The following SLC33A1 variants were observed in gnomAD, a reference collection of about 807,000 sequenced individuals.
SLC33A1 encodes acetyl-coenzyme A transporter 1.
Under a neutral mutation model 50.0 loss-of-function variants are expected in SLC33A1, and 20 were observed. That is an observed-to-expected ratio of 0.40 (90% confidence interval 0.28 to 0.58). The LOEUF is 0.58. Ranked by LOEUF, SLC33A1 falls within the 20% of genes least tolerant of loss-of-function variation. The pLI is 0.44. For synonymous variants in SLC33A1, 265 were observed against 251.8 expected (o/e 1.05, Z -0.50); for missense variants, 476 against 657.0 (o/e 0.72, Z 3.01).
chr3:155,843,094 T>C (rs2107982958), intron 1 of SLC33A1: 1 of 152,040 alleles, frequency 6.6e-6, no homozygotes, highest in Admixed American at 6.6e-5. Context: ...AAAACAGTCC[T>C]GACTCTTAAA....
chr3:155,854,218 C>A lies in SLC33A1; in HGVS notation c.-221G>T. 2.4e-6 allele frequency: 1 copy of A among 410,808 alleles called. No individual in the cohort carries two copies. The highest frequency in any genetic ancestry group is 3.5e-5 in the East Asian group (1 of 28,568). 25.4% of individuals were successfully genotyped at this position (410,808 alleles called of 1,614,324 possible). The stretch of plus-strand genomic sequence containing the variant: ...GGCCCAGAGGATGCCTGGATAGGTG[C>A]CCCCTGGAACGGCGTCAAAGAGCCT... On this transcript the variant is annotated 5_prime_UTR_variant, in exon 1 of 6. Transcript: ENST00000643144.
chr3:155,827,516 A>T lies in SLC33A1; in HGVS notation c.*694T>A, dbSNP rs1752237402. The stretch of plus-strand genomic sequence containing the variant: ...TCCAAAAAGAGGGGGTAGGGGCAAG[A>T]GGAATCAATAAGTTTAAAAATCATA... On this transcript the variant is annotated 3_prime_UTR_variant, in exon 6 of 6. Coordinates refer to ENST00000643144, the MANE Select transcript of SLC33A1 (RefSeq NM_004733.4). 6.6e-6 allele frequency: 1 copy of T among 152,192 alleles called. No individual in the cohort carries two copies. Among genetic ancestry groups the T allele is most frequent in the Non-Finnish European group, 1.5e-5 (1 of 68,016 alleles). 9.4% of individuals were successfully genotyped at this position (152,192 alleles called of 1,614,324 possible). A position where few individuals can be genotyped will look rare whatever the true frequency, so the allele number is the denominator to read the frequency against.
chr3:155,829,203 G>A lies in SLC33A1; in HGVS notation c.1482+485C>T, dbSNP rs535803067. Among the ~76,000 whole-genome samples the A allele has an allele frequency of 9.2e-5, 14 of 152,208 alleles. No individual in the cohort carries two copies. In the East Asian group the frequency reaches 1.4e-3, roughly 15 times the overall value. On this transcript the variant is annotated intron_variant, in intron 5 of 5. Coordinates refer to ENST00000643144, the MANE Select transcript of SLC33A1 (RefSeq NM_004733.4). Reference sequence around the variant, plus strand: ...AGGCGTGAGCCACTGCACCTGGCCCGATTATCTATTTTCACGATGCAGCTT... The same window carrying A: ...AGGCGTGAGCCACTGCACCTGGCCCAATTATCTATTTTCACGATGCAGCTT...
At chr3:155,840,254 AT>A (rs1560017730) in intron 2 of SLC33A1, among the ~76,000 whole-genome samples, 1 of 151,132 alleles carries the variant, frequency 6.6e-6, no homozygotes, top group African/African-American at 2.4e-5. Context: ...CACCCAGCTA[AT>A]TTTTGTATTT....
intron 4 of SLC33A1, among the ~76,000 whole-genome samples, chr3:155,832,232 A>G (rs1752467670): frequency 6.6e-6 from 1 of 152,040 alleles, no homozygotes; most frequent in Non-Finnish European, 1.5e-5. Context: ...ATACAAAATG[A>G]GCCGGGCATG....
intron 2 of SLC33A1, among the ~76,000 whole-genome samples, chr3:155,838,585 G>T (rs2107967411): frequency 6.6e-6 from 1 of 151,616 alleles, no homozygotes; most frequent in Admixed American, 6.6e-5. Flanking sequence ...GGAGGCTGAG[G>T]CAGGAGAATT....
intron 4 of SLC33A1, among the ~76,000 whole-genome samples, chr3:155,830,508 G>A (rs1053400815): frequency 2.0e-5 from 3 of 152,000 alleles, no homozygotes; most frequent in African/African-American, 7.2e-5. Flanking sequence ...TATAAATACA[G>A]GAAGTACTGT....
intron 1 of SLC33A1, 79 bp from the exon 2 acceptor site, chr3:155,842,698 C>A: frequency 2.5e-6 from 2 of 809,682 alleles, no homozygotes; most frequent in South Asian, 3.8e-5. Context: ...TATACAATAA[C>A]TTTCAATTAA....
chr3:155,841,606 G>A (rs1752939628), intron 2 of SLC33A1, among the ~76,000 whole-genome samples: 1 of 152,004 alleles, frequency 6.6e-6, no homozygotes, highest in South Asian at 2.1e-4. Flanking sequence ...CTATAAAATT[G>A]AGACACCTTA....
intron 4 of SLC33A1, 49 bp downstream of exon 4, chr3:155,833,419 T>C (rs1233701131): frequency 1.1e-6 from 1 of 910,134 alleles, no homozygotes; most frequent in Non-Finnish European, 1.9e-6. Flanking sequence ...CTGTCTTCCT[T>C]ATTTTACACA....
chr3:155,854,251 A>C lies in SLC33A1; in HGVS notation c.-254T>G. The C allele has an allele frequency of 2.8e-6, 1 of 355,606 alleles. No individual in the cohort carries two copies. The highest frequency in any genetic ancestry group is 1.1e-4 in the South Asian group (1 of 9,276). The allele number at this position is 355,606 out of a possible 1,614,324, so 22.0% of individuals were successfully genotyped here. A position where few individuals can be genotyped will look rare whatever the true frequency, so the allele number is the denominator to read the frequency against. ...AACGGCGTCAAAGAGCCTGAAGGAG[A>C]CCCCCGGGCAGCAGCGCCGGGCTCG... is the stretch of plus-strand genomic sequence containing the variant. On this transcript the variant is annotated 5_prime_UTR_variant, in exon 1 of 6. Coordinates refer to ENST00000643144, the MANE Select transcript of SLC33A1 (RefSeq NM_004733.4).
intron 4 of SLC33A1, among the ~76,000 whole-genome samples, chr3:155,830,558 T>C (rs1252894872): frequency 6.6e-6 from 1 of 152,040 alleles, no homozygotes; most frequent in Admixed American, 6.6e-5. Context: ...GGCATAAAGA[T>C]AAATGAGAGA....
chr3:155,853,094 A>T, intron 1 of SLC33A1, 129 bp downstream of exon 1: 1 of 818,084 alleles, frequency 1.2e-6, no homozygotes, highest in Non-Finnish European at 2.0e-6. Context: ...ATTTGGACGA[A>T]ACAGAAAACT....
rs151199901 is a variant in SLC33A1, at chr3:155,847,157, G to A, written c.776-4538C>T. Among the ~76,000 whole-genome samples, 1,394 of 152,202 alleles carry A rather than the reference G, an allele frequency of 9.2e-3. 15 individuals are homozygous for A. Among genetic ancestry groups the A allele is most frequent in the African/African-American group, 0.032 (1,332 of 41,528 alleles). ...CAGGAGGCAGAGGTTGCAGCGAGCC[G>A]AGATTGTGCCACTACACTCCAGCCT... On this transcript the variant is annotated intron_variant, in intron 1 of 5. Coordinates refer to ENST00000643144, the MANE Select transcript of SLC33A1 (RefSeq NM_004733.4).
intron 1 of SLC33A1, among the ~76,000 whole-genome samples, chr3:155,849,247 ATTACGC>A (rs1249962350): frequency 6.6e-6 from 1 of 152,040 alleles, no homozygotes. Context: ...AAAGAAAACA[ATTACGC>A]TTCCTTTTAA....
At chr3:155,840,502 T>G (rs1454429758) in intron 2 of SLC33A1, among the ~76,000 whole-genome samples, 3 of 151,712 alleles carry the variant, frequency 2.0e-5, no homozygotes, top group African/African-American at 7.3e-5. Context: ...GTCAACAGGG[T>G]GAAACCCTCT....
Position 155,853,846 on chromosome 3 carries a change from G to A in SLC33A1, c.152C>T (p.Ala51Val). ...DSAGREGDRE[A>V]LLGDTGTGDF... ...GCCAGTGCCGGTATCCCCCAGAAGAGCTTCTCTGTCCCCTTCCCGGCCCGC... is the reference window on the plus strand; with the variant it reads ...GCCAGTGCCGGTATCCCCCAGAAGAACTTCTCTGTCCCCTTCCCGGCCCGC... The change falls in exon 1 of 6, where the codon GCT becomes GTT. Residue 51 changes from alanine (A) to valine (V), a missense_variant. Physicochemically the swap from Ala to Val is moderately conservative, Grantham distance 64 (BLOSUM62 0). Transcript: ENST00000643144. 1 of 1,601,594 alleles carries A rather than the reference G, an allele frequency of 6.2e-7. No individual in the cohort carries two copies. The highest frequency in any genetic ancestry group is 8.5e-7 in the Non-Finnish European group (1 of 1,173,260).
intron 2 of SLC33A1, among the ~76,000 whole-genome samples, chr3:155,836,036 G>A (rs1752643131): frequency 6.6e-6 from 1 of 151,252 alleles, no homozygotes; most frequent in Non-Finnish European, 1.5e-5. Flanking sequence ...TGTAATTCCA[G>A]CACTTTGGGA....
At position 155,822,694 on chromosome 3, in the gene SLC33A1, ATT is replaced by A. The variant is rs1218911651; in HGVS notation, c.*5514_*5515del. The A allele has an allele frequency of 6.6e-6, 1 of 152,098 alleles. No homozygotes were observed. Among genetic ancestry groups the A allele is most frequent in the Non-Finnish European group, 1.5e-5 (1 of 68,020 alleles). 9.4% of individuals were successfully genotyped at this position (152,098 alleles called of 1,614,324 possible). A position where few individuals can be genotyped will look rare whatever the true frequency, so the allele number is the denominator to read the frequency against. On this transcript the variant is annotated 3_prime_UTR_variant, in exon 6 of 6. Coordinates refer to ENST00000643144, the MANE Select transcript of SLC33A1 (RefSeq NM_004733.4). ...TCACATAAAATTGTTATAAAGTTATATTGTCTATATTGACAATAAAAAACTAT... is the reference window on the plus strand; with the variant it reads ...TCACATAAAATTGTTATAAAGTTATAGTCTATATTGACAATAAAAAACTAT...
Sources: allele counts gnomAD v4.1 joint callset (sites outside exome capture counted in the v4.1 genomes callset), GRCh38; gene constraint gnomAD v4.1.1; transcripts MANE v1.5; gene names NCBI Gene and HGNC (gene_info 2026-07-23, HGNC 2026-07-21).